FGF14: variants seen among roughly 807,000 people sequenced by gnomAD.
FGF14 encodes fibroblast growth factor 14.
In FGF14, 5 loss-of-function variants were observed where a neutral mutation model predicts 25.5. The ratio of observed to expected loss-of-function variants is 0.20; its 90% CI spans 0.10 to 0.41. The LOEUF (loss-of-function observed/expected upper bound fraction) is 0.41, where lower values mean the gene tolerates loss of function less well. Ranked by LOEUF, FGF14 falls within the 10% of genes least tolerant of loss-of-function variation. The probability of loss-of-function intolerance (pLI) is 1.00; values close to 1 mark genes in which losing one functional copy is unlikely to be tolerated. For synonymous variants in FGF14, 138 were observed against 118.3 expected, an observed-to-expected ratio of 1.17 and a Z score of -1.08; for missense variants, 222 against 320.1, an observed-to-expected ratio of 0.69 and a Z score of 2.34.
chr13:102,118,309 A>AAG (rs1289105473), intron 1 of FGF14, among the ~76,000 whole-genome samples: 2 of 151,964 alleles, frequency 1.3e-5, no homozygotes, highest in Admixed American at 1.3e-4. Flanking sequence ...TAATGTTAAA[A>AAG]AGAGAGAGAA....
intron 1 of FGF14, among the ~76,000 whole-genome samples, chr13:102,156,268 A>T (rs1338032075): frequency 6.6e-6 from 1 of 152,192 alleles, no homozygotes; most frequent in Non-Finnish European, 1.5e-5. Context: ...TCAATAAAAT[A>T]CTGGCAAACC....
At chr13:102,107,670 G>A (rs1396871031) in intron 1 of FGF14, among the ~76,000 whole-genome samples, 1 of 152,160 alleles carries the variant, frequency 6.6e-6, no homozygotes, top group Non-Finnish European at 1.5e-5. Context: ...TGGTGCAGAG[G>A]GAGCAGCAAT....
chr13:101,871,858 C>A (rs2045107336), intron 2 of FGF14, among the ~76,000 whole-genome samples: 1 of 151,976 alleles, frequency 6.6e-6, no homozygotes, highest in Non-Finnish European at 1.5e-5. Context: ...TGACTTGCTA[C>A]AGTATTTTCT....
chr13:101,818,458 T>C (rs889452122), intron 3 of FGF14, among the ~76,000 whole-genome samples: 5 of 152,156 alleles, frequency 3.3e-5, no homozygotes, highest in African/African-American at 9.7e-5. Context: ...TTTCTTATAA[T>C]TGTGAAAGAC....
chr13:101,781,030 C>T (rs907985757), intron 3 of FGF14, among the ~76,000 whole-genome samples: 3 of 152,084 alleles, frequency 2.0e-5, no homozygotes, highest in Non-Finnish European at 4.4e-5. Context: ...CTCGCGCTTG[C>T]TACTCATGGC....
At chr13:101,799,602 T>C (rs1166097076) in intron 3 of FGF14, among the ~76,000 whole-genome samples, 1 of 152,124 alleles carries the variant, frequency 6.6e-6, no homozygotes, top group Non-Finnish European at 1.5e-5. Context: ...TTGATAAATA[T>C]ATAGTATGCA....
At chr13:102,067,388 A>G (rs1284583462) in intron 1 of FGF14, among the ~76,000 whole-genome samples, 8 of 152,022 alleles carry the variant, frequency 5.3e-5, no homozygotes, top group Non-Finnish European at 1.5e-5. Flanking sequence ...AGAAACATTG[A>G]TAATAGTGAT....
intron 3 of FGF14, among the ~76,000 whole-genome samples, chr13:101,838,405 C>T (rs1277678402): frequency 6.6e-6 from 1 of 152,008 alleles, no homozygotes; most frequent in East Asian, 1.9e-4. Flanking sequence ...TTGGCTCCAT[C>T]CTTGACAAAG....
intron 3 of FGF14, among the ~76,000 whole-genome samples, chr13:101,733,534 G>T (rs2035952971): frequency 6.7e-6 from 1 of 148,732 alleles, no homozygotes; most frequent in African/African-American, 2.5e-5. Context: ...GGCAGAGGTT[G>T]CAGTGAGCGG....
intron 1 of FGF14, among the ~76,000 whole-genome samples, chr13:101,994,217 T>A (rs1160498919): frequency 6.6e-6 from 1 of 152,010 alleles, no homozygotes; most frequent in East Asian, 1.9e-4. Context: ...TTCTAAATGA[T>A]TGTTATATGG....
chr13:101,834,705 A>G (rs1383530842), intron 3 of FGF14, among the ~76,000 whole-genome samples: 3 of 152,100 alleles, frequency 2.0e-5, no homozygotes, highest in Admixed American at 6.6e-5. Flanking sequence ...AAAGGTTGGG[A>G]AACAGATTGG....
intron 1 of FGF14, among the ~76,000 whole-genome samples, chr13:101,940,971 G>C (rs569574728): frequency 6.6e-6 from 1 of 152,220 alleles, no homozygotes; most frequent in African/African-American, 2.4e-5. Flanking sequence ...AACAGATAGA[G>C]TCTTTTGGGG....
At chr13:102,267,537 TATCATAC>T (rs2053049138) in intron 1 of FGF14, among the ~76,000 whole-genome samples, 1 of 152,206 alleles carries the variant, frequency 6.6e-6, no homozygotes. Context: ...TAAAGTTATG[TATCATAC>T]ATGTAAAGGA....
At chr13:101,815,355 G>T (rs1325365995) in intron 3 of FGF14, among the ~76,000 whole-genome samples, 1 of 152,056 alleles carries the variant, frequency 6.6e-6, no homozygotes, top group Non-Finnish European at 1.5e-5. Context: ...GTCAAGTATT[G>T]GGTCTTTAAA....
intron 3 of FGF14, among the ~76,000 whole-genome samples, chr13:101,814,973 G>T: frequency 7.0e-6 from 1 of 143,126 alleles, no homozygotes; most frequent in East Asian, 2.0e-4. Flanking sequence ...AAGACTCAAA[G>T]AGACTTATTA....
At chr13:102,008,357 A>G (rs574675461) in intron 1 of FGF14, among the ~76,000 whole-genome samples, 1 of 152,340 alleles carries the variant, frequency 6.6e-6, no homozygotes, top group African/African-American at 2.4e-5. Flanking sequence ...CACCTTTATT[A>G]AAAGTCATTT....
chr13:101,828,441 G>A (rs755099189), intron 3 of FGF14, among the ~76,000 whole-genome samples: 1 of 150,894 alleles, frequency 6.6e-6, no homozygotes, highest in Non-Finnish European at 1.5e-5. Flanking sequence ...ACAATTGATA[G>A]AACTATTTCA....
rs540857969 is a variant in FGF14 at position 102,175,338 on chromosome 13, G to A, written c.208+226133C>T. ...TGGAAAAGTTGACAAAATAAACAAC[G>A]GAGAAAGACACCCTATTAAATAAAT... On this transcript the variant is annotated intron_variant, in intron 1 of 4. Coordinates refer to the FGF14 transcript ENST00000376131. Among the ~76,000 whole-genome samples the A allele has an allele frequency of 7.2e-5, 11 of 152,132 alleles. No individual in the cohort carries two copies. In the South Asian group the frequency reaches 1.0e-3, roughly 14 times the overall value.
Position 101,714,877 on chromosome 13 carries a change from G to T in FGF14, c.*7954C>A. On this transcript the variant is annotated 3_prime_UTR_variant, in exon 5 of 5. Coordinates refer to ENST00000376143, the MANE Select transcript of FGF14 (RefSeq NM_004115.4). ...ATTTTGTTGGCAACCATTTTACTTT[G>T]AACATGGTATAGGGAATGAAATATT... is the stretch of plus-strand genomic sequence containing the variant. 3.4e-6 allele frequency: 1 copy of T among 297,738 alleles called. No individual in the cohort carries two copies. The highest frequency in any genetic ancestry group is 5.3e-5 in the South Asian group (1 of 18,956). 18.4% of individuals were successfully genotyped at this position (297,738 alleles called of 1,614,324 possible).
Sources: allele counts gnomAD v4.1 joint callset (sites outside exome capture counted in the v4.1 genomes callset), GRCh38; gene constraint gnomAD v4.1.1; transcripts MANE v1.5; gene names NCBI Gene and HGNC (gene_info 2026-07-23, HGNC 2026-07-21).